TMEM236: variants seen among roughly 807,000 people sequenced by gnomAD.
The protein encoded by TMEM236 is family with sequence similarity 23, member A.
TMEM236 carries 11 observed loss-of-function variants against 14.7 expected under a neutral mutation model. That is an observed-to-expected ratio of 0.75 (90% CI 0.47 to 1.24). The LOEUF is 1.24. Among genes scored for constraint, TMEM236 ranks in the 50% most tolerant of loss-of-function variants. The pLI is 0.00. For missense variants in TMEM236, 464 were observed against 427.3 expected, an observed-to-expected ratio of 1.09 and a Z score of -0.76; for synonymous variants, 182 against 168.6, an observed-to-expected ratio of 1.08 and a Z score of -0.62.
chr10:17,767,539 A>G (rs1363888325), intron 1 of TMEM236, among the ~76,000 whole-genome samples: 4 of 152,232 alleles, frequency 2.6e-5, no homozygotes, highest in Non-Finnish European at 5.9e-5. Context: ...CTGGTTAAAT[A>G]AAACATAGAC....
At chr10:17,783,757 C>A (rs1357917640) in intron 3 of TMEM236, among the ~76,000 whole-genome samples, 4 of 152,222 alleles carry the variant, frequency 2.6e-5, no homozygotes, top group African/African-American at 7.2e-5. Flanking sequence ...CCTTGCAACA[C>A]TGGAAATTTA....
At position 17,752,342 on chromosome 10, in the gene TMEM236, A is replaced by G. The variant is rs1837221274; in HGVS notation, c.47A>G (p.Glu16Gly). The change falls in exon 1 of 4, where the codon GAG becomes GGG. Residue 16 changes from glutamate to glycine, a missense_variant. Coordinates refer to ENST00000377495, the MANE Select transcript of TMEM236 (RefSeq NM_001098844.3). ...AAGTTCGTGGTTTTTGAGCTCCTAG[A>G]GTTTGCCGCTTTCTCCATCCCCACA... ...LIKFVVFELL[E>G]FAAFSIPTLV... The G allele has an allele frequency of 1.9e-6, 3 of 1,613,776 alleles. No homozygotes were observed. The East Asian group carries it at 6.7e-5, about 36-fold the overall frequency.
At chr10:17,775,180 G>C (rs1057270344) in intron 2 of TMEM236, among the ~76,000 whole-genome samples, 57 of 152,274 alleles carry the variant, frequency 3.7e-4, no homozygotes, top group African/African-American at 1.3e-3. Context: ...GGCCATGGTG[G>C]CATCTTTGTC....
At chr10:17,760,970 A>G (rs1178175073) in intron 1 of TMEM236, among the ~76,000 whole-genome samples, 1 of 152,226 alleles carries the variant, frequency 6.6e-6, no homozygotes, top group African/African-American at 2.4e-5. Context: ...GCTACAATTC[A>G]AGATGAGATT....
At chr10:17,776,867 A>T (rs1192730534) in intron 3 of TMEM236, among the ~76,000 whole-genome samples, 3 of 152,250 alleles carry the variant, frequency 2.0e-5, no homozygotes, top group Non-Finnish European at 2.9e-5. Context: ...TTACAAAAAG[A>T]TATTTTGTTA....
intron 1 of TMEM236, 46 bp downstream of exon 1, chr10:17,752,598 G>C (rs1025593780): frequency 1.9e-6 from 3 of 1,588,048 alleles, no homozygotes; most frequent in African/African-American, 2.7e-5. Context: ...TTGGAGTCTC[G>C]CTCTGTCACC....
chr10:17,777,353 G>T (rs1208713974), intron 3 of TMEM236, among the ~76,000 whole-genome samples: 7 of 152,210 alleles, frequency 4.6e-5, no homozygotes, highest in African/African-American at 1.7e-4. Context: ...AGTCACATCT[G>T]CCCTCCAGAG....
Position 17,771,371 on chromosome 10 carries a change from C to G in TMEM236, c.320C>G (p.Ala107Gly). 6.2e-7 allele frequency: 1 copy of G among 1,613,822 alleles called. No homozygotes were observed. Among genetic ancestry groups the G allele is most frequent in the Non-Finnish European group, 8.5e-7 (1 of 1,179,724 alleles). Residue 107 changes from alanine to glycine, a missense_variant, in exon 2 of 4, where the codon GCA becomes GGA. Ala to Gly is a moderately conservative substitution (Grantham distance 60). Transcript: ENST00000377495. Reference sequence around the variant, plus strand: ...CTGCCCTGCCTCACCTTTTCCATAGCAGTGACTGAGGTATGGAATTTTTGA... The same window carrying G: ...CTGCCCTGCCTCACCTTTTCCATAGGAGTGACTGAGGTATGGAATTTTTGA... Reference protein sequence around the residue: ...TTLPCLTFSIAVTEVQKSING... With the variant: ...TTLPCLTFSIGVTEVQKSING...
In TMEM236 at chr10:17,796,018, G is replaced by GGCAACCAACAGCACCCAGGTGTC; in HGVS notation, c.574_596dup (p.Ser201ThrfsTer12). 1 of 1,613,930 alleles carries GGCAACCAACAGCACCCAGGTGTC rather than the reference G, an allele frequency of 6.2e-7. No individual in the cohort carries two copies. The highest frequency in any genetic ancestry group is 8.5e-7 in the Non-Finnish European group (1 of 1,179,860). On this transcript the variant is annotated frameshift_variant, in exon 4 of 4. Coordinates refer to ENST00000377495, the MANE Select transcript of TMEM236 (RefSeq NM_001098844.3). LOFTEE classifies it low-confidence loss of function (END_TRUNC). ...GTCCAGAAAACGCTGCATCTCCCCA[G>GGCAACCAACAGCACCCAGGTGTC]GCAACCAACAGCACCCAGGTGTCGC... is the stretch of plus-strand genomic sequence containing the variant.
intron 3 of TMEM236, among the ~76,000 whole-genome samples, chr10:17,782,743 G>A (rs1368244698): frequency 3.3e-5 from 5 of 152,024 alleles, no homozygotes; most frequent in Non-Finnish European, 7.4e-5. Flanking sequence ...GAGCCACCGC[G>A]CCAGGCCTCA....
At chr10:17,789,280 CT>C (rs1451111929) in intron 3 of TMEM236, among the ~76,000 whole-genome samples, 119 of 152,282 alleles carry the variant, frequency 7.8e-4, no homozygotes, top group Non-Finnish European at 1.2e-3. Context: ...GTGACCTCCC[CT>C]GATATACCAG....
At chr10:17,757,075 G>C (rs1255110642) in intron 1 of TMEM236, among the ~76,000 whole-genome samples, 6 of 152,180 alleles carry the variant, frequency 3.9e-5, no homozygotes, top group East Asian at 1.9e-4. Flanking sequence ...TGTAATTTCA[G>C]TGAAACTGAA....
chr10:17,782,499 T>C (rs1837769048), intron 3 of TMEM236, among the ~76,000 whole-genome samples: 2 of 152,260 alleles, frequency 1.3e-5, no homozygotes, highest in South Asian at 4.1e-4. Flanking sequence ...GTTGCTCAGG[T>C]TGGAGTGCAG....
intron 1 of TMEM236, among the ~76,000 whole-genome samples, chr10:17,770,823 G>T (rs1033433945): frequency 6.6e-6 from 1 of 150,728 alleles, no homozygotes; most frequent in Non-Finnish European, 1.5e-5. Context: ...ATGTGTGTAT[G>T]GTTTTTTTTG....
intron 3 of TMEM236, among the ~76,000 whole-genome samples, chr10:17,792,008 C>A (rs976736459): frequency 6.6e-5 from 10 of 152,290 alleles, no homozygotes; most frequent in East Asian, 1.9e-4. Flanking sequence ...CTAATGAATG[C>A]ATTTTTAGCA....
At chr10:17,759,403 A>C (rs1311436521) in intron 1 of TMEM236, among the ~76,000 whole-genome samples, 2 of 152,168 alleles carry the variant, frequency 1.3e-5, no homozygotes, top group Non-Finnish European at 2.9e-5. Flanking sequence ...TTGGAGTACA[A>C]TTAATTCAGA....
At chr10:17,758,011 C>T (rs911165449) in intron 1 of TMEM236, among the ~76,000 whole-genome samples, 12 of 152,166 alleles carry the variant, frequency 7.9e-5, no homozygotes, top group Non-Finnish European at 1.3e-4. Context: ...TCAAGTGATC[C>T]GCCCACTTTG....
At chr10:17,781,434 G>A (rs1206319230) in intron 3 of TMEM236, among the ~76,000 whole-genome samples, 1 of 151,992 alleles carries the variant, frequency 6.6e-6, no homozygotes, top group Admixed American at 6.6e-5. Context: ...GTTACTTCAA[G>A]AGTGACTAAA....
At chr10:17,773,312 G>A (rs2131750955) in intron 2 of TMEM236, among the ~76,000 whole-genome samples, 1 of 152,284 alleles carries the variant, frequency 6.6e-6, no homozygotes, top group Admixed American at 6.5e-5. Flanking sequence ...CAGCAGAGAA[G>A]GAGCATTCAC....
Sources: gnomAD v4.1 joint callset for allele counts (sites outside exome capture counted in the v4.1 genomes callset) on GRCh38, gnomAD v4.1.1 for gene constraint, MANE v1.5 for transcripts, NCBI Gene and HGNC (gene_info 2026-07-23, HGNC 2026-07-21) for gene names.